Variants in HS6ST3 observed in about 807,000 individuals in gnomAD.
HS6ST3 encodes heparan-sulfate 6-O-sulfotransferase 3.
In HS6ST3, 12 loss-of-function variants were observed where a neutral mutation model predicts 36.7. That is an observed-to-expected ratio of 0.33 (90% confidence interval 0.21 to 0.53). The LOEUF (loss-of-function observed/expected upper bound fraction) is 0.53, where lower values mean the gene tolerates loss of function less well. HS6ST3 is among the 20% of genes least tolerant of loss of function. HS6ST3 has a pLI of 0.95. For missense variants in HS6ST3, 584 were observed against 640.9 expected (o/e 0.91, Z 0.96); for synonymous variants, 240 against 257.5 (o/e 0.93, Z 0.65).
chr13:96,122,110 G>GTATTATTATTATTATTAT (rs55776008), intron 1 of HS6ST3, among the ~76,000 whole-genome samples: 2,250 of 145,136 alleles, frequency 0.016, 26 homozygotes, highest in African/African-American at 0.03. Context: ...ACCCTTTCAG[G>GTATTATTATTATTATTAT]TATTATTATT....
At chr13:96,096,314 T>C (rs1305767817) in intron 1 of HS6ST3, among the ~76,000 whole-genome samples, 1 of 152,166 alleles carries the variant, frequency 6.6e-6, no homozygotes, top group Non-Finnish European at 1.5e-5. Context: ...ATAAAATTTA[T>C]AACTGTCTAA....
chr13:96,406,815 T>C (rs1197261632), intron 1 of HS6ST3, among the ~76,000 whole-genome samples: 5 of 152,228 alleles, frequency 3.3e-5, no homozygotes. Context: ...AAGGAGATTT[T>C]GATTTGACAC....
intron 1 of HS6ST3, among the ~76,000 whole-genome samples, chr13:96,664,539 C>T (rs1322129676): frequency 6.6e-6 from 1 of 152,138 alleles, no homozygotes; most frequent in Non-Finnish European, 1.5e-5. Context: ...TCTCTCATTT[C>T]TACCTTCTCC....
chr13:96,358,643 GAA>G (rs2055221789), intron 1 of HS6ST3, among the ~76,000 whole-genome samples: 1 of 151,698 alleles, frequency 6.6e-6, no homozygotes, highest in East Asian at 1.9e-4. Context: ...AAAATAAAAA[GAA>G]AAGAGAGAAA....
At chr13:96,679,931 G>A (rs991933959) in intron 1 of HS6ST3, among the ~76,000 whole-genome samples, 1 of 152,156 alleles carries the variant, frequency 6.6e-6, no homozygotes, top group Non-Finnish European at 1.5e-5. Context: ...AAGAAATGGG[G>A]ATACCAAGAC....
chr13:96,769,914 A>G (rs1448172214), intron 1 of HS6ST3, among the ~76,000 whole-genome samples: 1 of 152,194 alleles, frequency 6.6e-6, no homozygotes, highest in African/African-American at 2.4e-5. Flanking sequence ...TTATTTGGGA[A>G]TAGTTATTCA....
At chr13:96,288,936 C>T (rs1004643111) in intron 1 of HS6ST3, among the ~76,000 whole-genome samples, 1 of 151,706 alleles carries the variant, frequency 6.6e-6, no homozygotes, top group African/African-American at 2.4e-5. Flanking sequence ...CTAAAAATGG[C>T]TAGAATTGAT....
Position 96,833,474 on chromosome 13 carries a change from A to G in HS6ST3, c.*276A>G, listed in dbSNP as rs953067302. On this transcript the variant is annotated 3_prime_UTR_variant, in exon 2 of 2. Transcript: ENST00000376705. The stretch of plus-strand genomic sequence containing the variant: ...AGGCCAAGGAGAGCCACACCGAAAA[A>G]GGAGACAGTTCCTGTGATCTCCTTT... 1.4e-5 allele frequency: 5 copies of G among 354,388 alleles called. No individual in the cohort carries two copies. In the South Asian group the frequency reaches 1.9e-4, roughly 14 times the overall value. The allele number at this position is 354,388 out of a possible 1,614,324, so 22.0% of individuals were successfully genotyped here.
At chr13:96,410,721 C>G (rs971410044) in intron 1 of HS6ST3, among the ~76,000 whole-genome samples, 2 of 152,140 alleles carry the variant, frequency 1.3e-5, no homozygotes, top group African/African-American at 4.8e-5. Context: ...AAAGCACCTA[C>G]TAGCATTATT....
intron 1 of HS6ST3, among the ~76,000 whole-genome samples, chr13:96,234,991 A>G (rs2054527558): frequency 6.6e-6 from 1 of 152,198 alleles, no homozygotes; most frequent in South Asian, 2.1e-4. Context: ...CTCATACAGT[A>G]TTATTTATAA....
Position 96,833,002 on chromosome 13 carries a change from T to C in HS6ST3, c.1220T>C (p.Leu407Pro). ...IEDLNFLDMQ[L>P]YEYAKDLFQQ... ...GATCTAAACTTCCTGGACATGCAGC[T>C]TTACGAGTATGCAAAAGATCTCTTC... The change falls in exon 2 of 2, where the codon CTT becomes CCT. Residue 407 changes from leucine to proline, a missense_variant. Transcript: ENST00000376705. 1.2e-6 allele frequency: 2 copies of C among 1,614,070 alleles called. No homozygotes were observed. The highest frequency in any genetic ancestry group is 1.7e-6 in the Non-Finnish European group (2 of 1,180,012).
At chr13:96,477,825 G>A (rs1336183279) in intron 1 of HS6ST3, among the ~76,000 whole-genome samples, 4 of 152,084 alleles carry the variant, frequency 2.6e-5, no homozygotes, top group Admixed American at 6.6e-5. Flanking sequence ...AGCCGAGATC[G>A]CACCATTGCT....
chr13:96,526,178 A>T (rs1026713943), intron 1 of HS6ST3, among the ~76,000 whole-genome samples: 1 of 152,170 alleles, frequency 6.6e-6, no homozygotes, highest in African/African-American at 2.4e-5. Context: ...TATTATGCAT[A>T]TGGGAAGATG....
intron 1 of HS6ST3, among the ~76,000 whole-genome samples, chr13:96,786,192 G>A (rs767720506): frequency 3.2e-4 from 49 of 151,958 alleles, no homozygotes; most frequent in Non-Finnish European, 5.1e-4. Context: ...ACACTCTTTC[G>A]CCAGCCCTTT....
At position 96,616,936 on chromosome 13, in the gene HS6ST3, A is replaced by G. The variant is rs1029617625; in HGVS notation, c.708-215554A>G. ...CAAGATGCTTATTGAAGAATAATTC[A>G]TGAGATAATAGTGGTTAAAAGGTCA... On this transcript the variant is annotated intron_variant, in intron 1 of 1. Coordinates refer to ENST00000376705, the MANE Select transcript of HS6ST3 (RefSeq NM_153456.4). Among the ~76,000 whole-genome samples, 6 of 152,224 alleles carry G rather than the reference A, an allele frequency of 3.9e-5. No homozygotes were observed. In the East Asian group the frequency reaches 9.6e-4, roughly 24 times the overall value.
At chr13:96,444,182 ATGATAAAAAACTT>A (rs2055687162) in intron 1 of HS6ST3, among the ~76,000 whole-genome samples, 1 of 151,784 alleles carries the variant, frequency 6.6e-6, no homozygotes, top group African/African-American at 2.4e-5. Flanking sequence ...AATCATGGGC[ATGATAAAAAACTT>A]TGATAAAAAA....
chr13:96,097,166 T>C (rs549759047), intron 1 of HS6ST3, among the ~76,000 whole-genome samples: 2 of 152,212 alleles, frequency 1.3e-5, no homozygotes, highest in East Asian at 3.8e-4. Context: ...TTCTGCCTTC[T>C]TCCTGATGGT....
intron 1 of HS6ST3, among the ~76,000 whole-genome samples, chr13:96,207,456 G>T (rs1373104139): frequency 6.6e-6 from 1 of 151,956 alleles, no homozygotes; most frequent in Non-Finnish European, 1.5e-5. Flanking sequence ...AATACCATTT[G>T]ACCCAGCAAT....
intron 1 of HS6ST3, among the ~76,000 whole-genome samples, chr13:96,164,030 G>T (rs2054149587): frequency 6.6e-6 from 1 of 152,088 alleles, no homozygotes; most frequent in African/African-American, 2.4e-5. Flanking sequence ...ATGATTCCTG[G>T]TGCTTTACTT....
Sources: allele counts gnomAD v4.1 joint callset (sites outside exome capture counted in the v4.1 genomes callset), GRCh38; gene constraint gnomAD v4.1.1; transcripts MANE v1.5; gene names NCBI Gene and HGNC (gene_info 2026-07-23, HGNC 2026-07-21).